Variants in TRPV3 observed in about 807,000 individuals in gnomAD.
TRPV3 encodes VRL-3.
Under a neutral mutation model 87.1 loss-of-function variants are expected in TRPV3, and 88 were observed. The ratio of observed to expected loss-of-function variants is 1.01; its 90% CI spans 0.85 to 1.21. The LOEUF is 1.21. Among genes scored for constraint, TRPV3 ranks in the 50% most tolerant of loss-of-function variants. TRPV3 has a pLI of 0.00. For missense variants in TRPV3, 1,054 were observed against 1,030.1 expected, an observed-to-expected ratio of 1.02 and a Z score of -0.32; for synonymous variants, 438 against 423.3, an observed-to-expected ratio of 1.03 and a Z score of -0.43.
Position 3,535,494 on chromosome 17 carries a change from C to T in TRPV3, c.784+79G>A, listed in dbSNP as rs1597481820. On this transcript the variant is annotated intron_variant, in intron 7 of 17. Transcript: ENST00000576742. ...CTTCCCCCCTCCTCCCTTCTTCCCT[C>T]CTTCCCCTTCCCTCCCTTCCTCTCC... 2.3e-5 allele frequency: 32 copies of T among 1,390,920 alleles called. No individual in the cohort carries two copies. The East Asian group carries it at 9.1e-4, about 40-fold the overall frequency. The allele number at this position is 1,390,920 out of a possible 1,614,324, so 86.2% of individuals were successfully genotyped here.
At chr17:3,554,595 C>T (rs1410388864) in intron 2 of TRPV3, 137 bp downstream of exon 2, 8 of 648,962 alleles carry the variant, frequency 1.2e-5, no homozygotes, top group East Asian at 1.1e-4. Flanking sequence ...AGTCATACCT[C>T]GCCGGGCACC....
At chr17:3,516,334 G>A (rs962268888) in intron 16 of TRPV3, 123 bp downstream of exon 16, 24 of 761,894 alleles carry the variant, frequency 3.2e-5, no homozygotes, top group Non-Finnish European at 5.0e-5. Context: ...GCCACTGGAA[G>A]AGACAGTAGC....
chr17:3,546,390 C>T (rs2074526008), intron 2 of TRPV3, among the ~76,000 whole-genome samples: 1 of 151,718 alleles, frequency 6.6e-6, no homozygotes, highest in South Asian at 2.1e-4. Context: ...TGCAGTGAGC[C>T]GAGATCATGC....
chr17:3,550,269 C>G (rs182983548), intron 2 of TRPV3, among the ~76,000 whole-genome samples: 5 of 152,196 alleles, frequency 3.3e-5, no homozygotes, highest in Admixed American at 1.3e-4. Flanking sequence ...GAGGAGCAGC[C>G]CTTTGTCTCT....
At chr17:3,540,667 G>C (rs1290612358) in intron 6 of TRPV3, among the ~76,000 whole-genome samples, 1 of 152,170 alleles carries the variant, frequency 6.6e-6, no homozygotes, top group Non-Finnish European at 1.5e-5. Flanking sequence ...GCTAGCAAAG[G>C]GTAGTTCGTA....
At chr17:3,529,354 C>T (rs1334528047) in intron 9 of TRPV3, among the ~76,000 whole-genome samples, 3 of 152,168 alleles carry the variant, frequency 2.0e-5, no homozygotes, top group South Asian at 2.1e-4. Context: ...GGGCCTCAGA[C>T]TCCTCACCTA....
In TRPV3 at chr17:3,555,777, G is replaced by T. The variant is rs553213582; in HGVS notation, c.-2-925C>A. On this transcript the variant is annotated intron_variant, in intron 1 of 17. Coordinates refer to ENST00000576742, the MANE Select transcript of TRPV3 (RefSeq NM_145068.4). The stretch of plus-strand genomic sequence containing the variant: ...TGGGAGGGTCAGGAGTGGCAGGAGT[G>T]GGGGGAGCTGCTGTGGCCAGAGAAC... 8.0e-5 allele frequency among the ~76,000 whole-genome samples: 12 copies of T among 150,804 alleles called. No homozygotes were observed. The East Asian group carries it at 1.3e-3, about 17-fold the overall frequency.
Position 3,525,180 on chromosome 17 carries a change from A to T in TRPV3, c.1578-817T>A, listed in dbSNP as rs573629299. On this transcript the variant is annotated intron_variant, in intron 12 of 17. Transcript: ENST00000576742. Reference sequence around the variant, plus strand: ...GATTACAGGCACCCGCCACCACACCAGGCTCATTTTTGTATTTTTAGTAGA... The same window carrying T: ...GATTACAGGCACCCGCCACCACACCTGGCTCATTTTTGTATTTTTAGTAGA... 1.1e-3 allele frequency among the ~76,000 whole-genome samples: 162 copies of T among 151,996 alleles called. 5 individuals are homozygous for T. In the South Asian group the frequency reaches 0.031, roughly 29 times the overall value.
chr17:3,519,654 ATGGATGGAC>A (rs2074222000), intron 14 of TRPV3, among the ~76,000 whole-genome samples: 1 of 146,238 alleles, frequency 6.8e-6, no homozygotes. Context: ...GATTAGATGG[ATGGATGGAC>A]TGATTGATCG....
At position 3,513,933 on chromosome 17, in the gene TRPV3, G is replaced by C; in HGVS notation, c.2357C>G (p.Pro786Arg). Residue 786 changes from proline (P) to arginine (R), a missense_variant, in exon 18 of 18, where the codon CCG (proline) becomes CGG (arginine). Coordinates refer to ENST00000576742, the MANE Select transcript of TRPV3 (RefSeq NM_145068.4). ...GTTCCGCTTCTACACCGAGGTTTCCGGGAATTCCTCGACTTCTTCAAATGC... is the reference window on the plus strand; with the variant it reads ...GTTCCGCTTCTACACCGAGGTTTCCCGGAATTCCTCGACTTCTTCAAATGC... Reference protein sequence around the residue: ...LNAFEEVEEFPETSV With the variant: ...LNAFEEVEEFRETSV 3.1e-6 allele frequency: 5 copies of C among 1,614,040 alleles called. No individual in the cohort carries two copies. Among genetic ancestry groups the C allele is most frequent in the Non-Finnish European group, 3.4e-6 (4 of 1,179,922 alleles).
intron 2 of TRPV3, among the ~76,000 whole-genome samples, chr17:3,548,604 T>C (rs1342657407): frequency 6.6e-6 from 1 of 152,212 alleles, no homozygotes; most frequent in Non-Finnish European, 1.5e-5. Context: ...GGCTCAGCGC[T>C]AATCCAGAAA....
intron 5 of TRPV3, among the ~76,000 whole-genome samples, chr17:3,543,071 C>G (rs946777815): frequency 6.6e-6 from 1 of 151,978 alleles, no homozygotes; most frequent in African/African-American, 2.4e-5. Flanking sequence ...CCCCGAGACA[C>G]CCAGGGCTCC....
chr17:3,524,174 C>G, intron 13 of TRPV3, 24 bp downstream of exon 13: 1 of 1,608,510 alleles, frequency 6.2e-7, no homozygotes. Context: ...GAGGGCCCTC[C>G]CGCCGGCGCA....
chr17:3,533,032 G>T (rs1174759889), intron 7 of TRPV3, 95 bp from the exon 8 acceptor site: 43 of 1,433,076 alleles, frequency 3.0e-5, no homozygotes, highest in Non-Finnish European at 9.5e-6. Context: ...ATCTCAGCAG[G>T]ATGGGCACCT....
At position 3,556,292 on chromosome 17, in the gene TRPV3, G is replaced by C. The variant is rs1278041619; in HGVS notation, c.-3+1384C>G. Among the ~76,000 whole-genome samples the C allele has an allele frequency of 6.6e-6, 1 of 152,030 alleles. No homozygotes were observed. The highest frequency in any genetic ancestry group is 1.5e-5 in the Non-Finnish European group (1 of 67,988). On this transcript the variant is annotated intron_variant, in intron 1 of 17. Transcript: ENST00000576742. The surrounding 1 kb of genome is among the most constrained non-coding windows in gnomAD (Gnocchi z 4.2). ...CAGAGGCTCTGGGTTACATAGGAGA[G>C]CGCGGGCTGCGTTGGGGGGTGGGGG... is the stretch of plus-strand genomic sequence containing the variant.
intron 2 of TRPV3, among the ~76,000 whole-genome samples, chr17:3,548,999 C>T (rs1001389346): frequency 3.3e-5 from 5 of 152,178 alleles, no homozygotes; most frequent in East Asian, 1.9e-4. Flanking sequence ...CACTTCCCTG[C>T]GGCCCTGCAG....
Position 3,542,520 on chromosome 17 carries a change from A to G in TRPV3, c.643+2T>C, listed in dbSNP as rs746570091. The G allele has an allele frequency of 1.2e-5, 19 of 1,612,682 alleles. No individual in the cohort carries two copies. In the African/African-American group the frequency reaches 2.3e-4, roughly 19 times the overall value. ...TGCACAGCCCCTCTGCAGGCAGGAT[A>G]CCTTCATAGGCCTCCTCTGTGTACT... On this transcript the variant is annotated splice_donor_variant, in intron 6 of 17. Transcript: ENST00000576742. LOFTEE classifies it high-confidence loss of function.
At chr17:3,514,977 G>A (rs2074164335) in intron 16 of TRPV3, among the ~76,000 whole-genome samples, 1 of 152,154 alleles carries the variant, frequency 6.6e-6, no homozygotes, top group African/African-American at 2.4e-5. Context: ...TGCCTGACTG[G>A]TGACAGCCCA....
rs1177287281 is a variant in TRPV3 at position 3,513,985 on chromosome 17, T to A, written c.2305A>T (p.Arg769Trp). 4 of 1,613,890 alleles carry A rather than the reference T, an allele frequency of 2.5e-6. No individual in the cohort carries two copies. The Admixed American group carries it at 6.7e-5, about 27-fold the overall frequency. ...TDFNKIQDSS[R>W]NNSKTTLNAF... is the part of the protein sequence containing the mutation. Reference sequence around the variant, plus strand: ...TTGAGAGTGGTTTTGCTGTTGTTCCTGGAAGAATCTTGGATTTTGTTGAAA... The same window carrying A: ...TTGAGAGTGGTTTTGCTGTTGTTCCAGGAAGAATCTTGGATTTTGTTGAAA... The change falls in exon 18 of 18, where the codon AGG (arginine) becomes TGG (tryptophan). Residue 769 changes from arginine to tryptophan, a missense_variant. By Grantham distance (101) the Arg-to-Trp change is moderately radical (BLOSUM62 -3). Transcript: ENST00000576742.
Sources: gnomAD v4.1 joint callset for allele counts (sites outside exome capture counted in the v4.1 genomes callset) on GRCh38, gnomAD v4.1.1 for gene constraint, Gnocchi (gnomAD v3.1) non-coding constraint, MANE v1.5 for transcripts, NCBI Gene and HGNC (gene_info 2026-07-23, HGNC 2026-07-21) for gene names.